EXT2: variants seen among roughly 807,000 people sequenced by gnomAD.
EXT2 encodes the protein exostosin-2.
A neutral mutation model predicts 81.6 loss-of-function variants in EXT2; 53 were observed. That is an observed-to-expected ratio of 0.65 (90% CI 0.52 to 0.82). EXT2 has a LOEUF of 0.82. Ranked by LOEUF, EXT2 falls within the 40% of genes least tolerant of loss-of-function variation. The pLI, the probability that EXT2 is intolerant of heterozygous loss-of-function variation, is 0.00. For synonymous variants in EXT2, 320 were observed against 340.0 expected (o/e 0.94, Z 0.65); for missense variants, 774 against 910.2 (o/e 0.85, Z 1.93).
intron 1 of EXT2, among the ~76,000 whole-genome samples, chr11:44,106,517 T>C (rs1954056950): frequency 1.3e-5 from 2 of 152,218 alleles, no homozygotes; most frequent in African/African-American, 4.8e-5. Context: ...CTGCCTTTTG[T>C]TATAGCTTTG....
intron 13 of EXT2, among the ~76,000 whole-genome samples, chr11:44,239,907 G>T (rs570323871): frequency 2.0e-5 from 3 of 151,900 alleles, no homozygotes; most frequent in African/African-American, 7.3e-5. Context: ...TCACGCATGC[G>T]CAAGTCCATT....
rs1475378744 is a variant in EXT2, at chr11:44,244,168, T to C, written c.2038T>C (p.Phe680Leu). The stretch of plus-strand genomic sequence containing the variant: ...CCACAGGTCAGAGTGCATCAACAAG[T>C]TTGCTTCAGTCTTCGGGACCATGCC... Reference protein sequence around the residue: ...MVERSECINKFASVFGTMPLK... With the variant: ...MVERSECINKLASVFGTMPLK... Residue 680 changes from phenylalanine (F) to leucine (L), a missense_variant, in exon 14 of 14, where the codon TTT becomes CTT. Transcript: ENST00000533608. 1 of 1,614,076 alleles carries C rather than the reference T, an allele frequency of 6.2e-7. No individual in the cohort carries two copies.
At position 44,220,172 on chromosome 11, in the gene EXT2, A is replaced by G. The variant is rs1955766990; in HGVS notation, c.1663-12181A>G. Among the ~76,000 whole-genome samples, 1 of 152,192 alleles carries G rather than the reference A, an allele frequency of 6.6e-6. No homozygotes were observed. Among genetic ancestry groups the G allele is most frequent in the Non-Finnish European group, 1.5e-5 (1 of 68,036 alleles). On this transcript the variant is annotated intron_variant, in intron 10 of 13. Transcript: ENST00000533608. The surrounding 1 kb of genome is among the most constrained non-coding windows in gnomAD (Gnocchi z 4.4). ...CAAGGTCAAACCTTGCCAGAGCTGC[A>G]CTGGATCAACTTTTGTGCTAGGTCT...
At chr11:44,169,803 T>C (rs958097203) in intron 7 of EXT2, among the ~76,000 whole-genome samples, 1 of 116,564 alleles carries the variant, frequency 8.6e-6, no homozygotes, top group Non-Finnish European at 1.8e-5. Context: ...TCAAAAAGTT[T>C]TGGATTTTGG....
intron 1 of EXT2, among the ~76,000 whole-genome samples, chr11:44,106,256 T>C (rs187120657): frequency 6.6e-6 from 1 of 152,302 alleles, no homozygotes; most frequent in African/African-American, 2.4e-5. Context: ...GTGTTCGTCT[T>C]TGTAAATGAA....
intron 10 of EXT2, among the ~76,000 whole-genome samples, chr11:44,218,793 CTTTTTTTTT>C (rs11368525): frequency 1.1e-5 from 1 of 92,300 alleles, no homozygotes; most frequent in Non-Finnish European, 1.9e-5. Flanking sequence ...ATCTGCAATT[CTTTTTTTTT>C]TTTTTTTTTT....
chr11:44,243,832 A>G lies in EXT2; in HGVS notation c.2019-317A>G, dbSNP rs1405508954. On this transcript the variant is annotated intron_variant, in intron 13 of 13. Transcript: ENST00000533608. ...CCTCTCACACTGAGCTGGAGGAATG[A>G]CTGGAATTTGAGGGGGAGGGGAAAA... Among the ~76,000 whole-genome samples the G allele has an allele frequency of 4.6e-5, 7 of 151,802 alleles. No individual in the cohort carries two copies. The East Asian group carries it at 9.7e-4, about 21-fold the overall frequency.
intron 13 of EXT2, among the ~76,000 whole-genome samples, chr11:44,243,043 T>C (rs1590674973): frequency 6.6e-6 from 1 of 152,206 alleles, no homozygotes; most frequent in Non-Finnish European, 1.5e-5. Context: ...GTGGACATGA[T>C]GATGTTATGA....
chr11:44,198,827 T>C (rs1375307572), intron 9 of EXT2, among the ~76,000 whole-genome samples: 1 of 152,232 alleles, frequency 6.6e-6, no homozygotes, highest in South Asian at 2.1e-4. Flanking sequence ...GCACTTTTTA[T>C]GGCTAGTCTC....
At chr11:44,222,968 G>T (rs1191187306) in intron 10 of EXT2, among the ~76,000 whole-genome samples, 1 of 152,154 alleles carries the variant, frequency 6.6e-6, no homozygotes, top group African/African-American at 2.4e-5. Context: ...GTTAGAAAAT[G>T]GGCAAAGGCC....
intron 13 of EXT2, among the ~76,000 whole-genome samples, chr11:44,238,551 G>A (rs1955997502): frequency 6.6e-6 from 1 of 152,206 alleles, no homozygotes. Context: ...TTTTAACAGT[G>A]TCAAGGACCT....
chr11:44,192,500 A>G (rs1590635594), intron 8 of EXT2, among the ~76,000 whole-genome samples: 1 of 152,152 alleles, frequency 6.6e-6, no homozygotes, highest in Non-Finnish European at 1.5e-5. Context: ...AGTACCAGAA[A>G]TAAAGCTAGT....
chr11:44,171,975 A>G (rs955486588), intron 8 of EXT2: 11 of 569,268 alleles, frequency 1.9e-5, no homozygotes, highest in East Asian at 6.3e-5. Flanking sequence ...AAGACTGTCT[A>G]TTTATTGCAG....
intron 8 of EXT2, among the ~76,000 whole-genome samples, chr11:44,191,319 G>C: frequency 6.6e-6 from 1 of 152,258 alleles, no homozygotes. Context: ...CACATTGTCA[G>C]AATAATACAC....
At chr11:44,109,356 A>G in intron 3 of EXT2, 73 bp downstream of exon 3, 4 of 1,214,462 alleles carry the variant, frequency 3.3e-6, no homozygotes, top group Non-Finnish European at 4.9e-6. Flanking sequence ...TATATTCCTA[A>G]ATCTACCACA....
intron 13 of EXT2, among the ~76,000 whole-genome samples, chr11:44,236,694 A>C (rs1955969264): frequency 6.6e-6 from 1 of 152,246 alleles, no homozygotes; most frequent in African/African-American, 2.4e-5. Flanking sequence ...ATTCCAAGGA[A>C]ATACTGGATT....
chr11:44,210,177 A>G (rs1955630671), intron 10 of EXT2, among the ~76,000 whole-genome samples: 1 of 152,216 alleles, frequency 6.6e-6, no homozygotes. Context: ...AAAAGTCTGC[A>G]CAAATATTTG....
At chr11:44,115,432 G>A (rs1954208705) in intron 4 of EXT2, among the ~76,000 whole-genome samples, 1 of 152,050 alleles carries the variant, frequency 6.6e-6, no homozygotes, top group African/African-American at 2.4e-5. Context: ...TAAATGAAAA[G>A]GGCTGACAAC....
At chr11:44,237,518 C>A (rs1955979879) in intron 13 of EXT2, among the ~76,000 whole-genome samples, 1 of 152,034 alleles carries the variant, frequency 6.6e-6, no homozygotes, top group South Asian at 2.1e-4. Context: ...TTGGAAGAGA[C>A]CCCAATTGAA....
Sources: gnomAD v4.1 joint callset for allele counts (sites outside exome capture counted in the v4.1 genomes callset) on GRCh38, gnomAD v4.1.1 for gene constraint, Gnocchi (gnomAD v3.1) non-coding constraint, MANE v1.5 for transcripts, NCBI Gene and HGNC (gene_info 2026-07-23, HGNC 2026-07-21) for gene names.